Variants in CLSTN1 observed in about 807,000 individuals in gnomAD.
CLSTN1 encodes calsyntenin-1.
Under a neutral mutation model 108.3 loss-of-function variants are expected in CLSTN1, and 28 were observed. The observed-to-expected ratio is 0.26, with a 90% CI of 0.19 to 0.35. CLSTN1 has a LOEUF of 0.35. CLSTN1 is among the 10% of genes least tolerant of loss of function. The pLI, the probability that CLSTN1 is intolerant of heterozygous loss-of-function variation, is 1.00. For missense variants in CLSTN1, 1,157 were observed against 1,302.6 expected (o/e 0.89, Z 1.72); for synonymous variants, 524 against 534.9 (o/e 0.98, Z 0.28).
chr1:9,737,293 T>C (rs1029139668), intron 11 of CLSTN1, among the ~76,000 whole-genome samples: 8 of 152,002 alleles, frequency 5.3e-5, no homozygotes, highest in African/African-American at 1.7e-4. Context: ...CTGCCTGAGA[T>C]GTCATTTGTC....
At chr1:9,796,562 T>C (rs1315717174) in intron 1 of CLSTN1, among the ~76,000 whole-genome samples, 6 of 148,918 alleles carry the variant, frequency 4.0e-5, no homozygotes, top group Non-Finnish European at 7.4e-5. Flanking sequence ...CAGGCGCCTG[T>C]AGTCCCAGCA....
intron 16 of CLSTN1, among the ~76,000 whole-genome samples, chr1:9,732,426 G>A (rs747151190): frequency 6.6e-6 from 1 of 152,166 alleles, no homozygotes; most frequent in Non-Finnish European, 1.5e-5. Context: ...AAAAGAAGCC[G>A]ATGGTCCTTC....
Position 9,744,375 on chromosome 1 carries a change from T to C in CLSTN1, c.1234+20A>G. 6.3e-7 allele frequency: 1 copy of C among 1,592,432 alleles called. No individual in the cohort carries two copies. Among genetic ancestry groups the C allele is most frequent in the Non-Finnish European group, 8.6e-7 (1 of 1,168,658 alleles). ...ACTGGACACTGGGGCCTGGCATCGCTTGCAGAGCTATTACCCTACCTGTTT... is the reference window on the plus strand; with the variant it reads ...ACTGGACACTGGGGCCTGGCATCGCCTGCAGAGCTATTACCCTACCTGTTT... On this transcript the variant is annotated intron_variant, in intron 8 of 18. Transcript: ENST00000377298.
At chr1:9,807,222 T>C (rs1305897389) in intron 1 of CLSTN1, among the ~76,000 whole-genome samples, 10 of 152,064 alleles carry the variant, frequency 6.6e-5, no homozygotes, top group Non-Finnish European at 7.4e-5. Flanking sequence ...CGAGACCTCA[T>C]TGACCTAACA....
At position 9,796,235 on chromosome 1, in the gene CLSTN1, C is replaced by T. The variant is rs1346656289; in HGVS notation, c.92-22841G>A. 4.7e-5 allele frequency among the ~76,000 whole-genome samples: 7 copies of T among 148,092 alleles called. 2 individuals carry two copies. The South Asian group carries it at 1.6e-3, about 35-fold the overall frequency. The stretch of plus-strand genomic sequence containing the variant: ...GGAGATCATGCCACCGCACTCCAGC[C>T]TGGGCGACAGGGCAAGACTGTCTCC... On this transcript the variant is annotated intron_variant, in intron 1 of 18. Transcript: ENST00000377298.
rs1347999047 is a variant in CLSTN1 at position 9,733,438 on chromosome 1, A to C, written c.2390T>G (p.Leu797Arg). ...TTCGTTGCTGATGTAGCGGCCATTC[A>C]GCTCTGAGCAGATGAGCTTAAACTT... ...DRKFKLICSE[L>R]NGRYISNEFK... is the part of the protein sequence containing the mutation. The change falls in exon 16 of 19, where the codon CTG (leucine) becomes CGG (arginine). Residue 797 changes from leucine (L) to arginine (R), a missense_variant. Coordinates refer to ENST00000377298, the MANE Select transcript of CLSTN1 (RefSeq NM_001009566.3). The C allele has an allele frequency of 6.2e-6, 10 of 1,614,186 alleles. No homozygotes were observed. The highest frequency in any genetic ancestry group is 7.6e-6 in the Non-Finnish European group (9 of 1,180,044).
At chr1:9,738,636 T>G (rs919250384) in intron 10 of CLSTN1, among the ~76,000 whole-genome samples, 1 of 152,200 alleles carries the variant, frequency 6.6e-6, no homozygotes, top group African/African-American at 2.4e-5. Flanking sequence ...TAACTGAATT[T>G]TAAACAATCT....
Position 9,749,754 on chromosome 1 carries a change from T to C in CLSTN1, c.799+10A>G, listed in dbSNP as rs751753827. Reference sequence around the variant, plus strand: ...GCAGATGTGAGCGCAGGGGAGAGAATGAAGCTCACCTTGCCACCCAGGGGT... The same window carrying C: ...GCAGATGTGAGCGCAGGGGAGAGAACGAAGCTCACCTTGCCACCCAGGGGT... On this transcript the variant is annotated intron_variant, in intron 6 of 18. Coordinates refer to ENST00000377298, the MANE Select transcript of CLSTN1 (RefSeq NM_001009566.3). 2 of 1,613,830 alleles carry C rather than the reference T, an allele frequency of 1.2e-6. No homozygotes were observed. The highest frequency in any genetic ancestry group is 2.7e-5 in the African/African-American group (2 of 74,912).
chr1:9,749,233 C>A (rs1185352460), intron 7 of CLSTN1, among the ~76,000 whole-genome samples: 1 of 152,056 alleles, frequency 6.6e-6, no homozygotes, highest in Non-Finnish European at 1.5e-5. Flanking sequence ...CACATATACA[C>A]AACATGTTGA....
intron 1 of CLSTN1, among the ~76,000 whole-genome samples, chr1:9,778,245 C>CAA (rs1029810693): frequency 2.0e-5 from 3 of 151,562 alleles, no homozygotes; most frequent in Non-Finnish European, 4.4e-5. Context: ...CACACACACA[C>CAA]ACACACACAC....
chr1:9,733,595 C>A (rs370541154), intron 15 of CLSTN1, 49 bp from the exon 16 acceptor site: 1 of 1,607,978 alleles, frequency 6.2e-7, no homozygotes, highest in Non-Finnish European at 8.5e-7. Flanking sequence ...AGGGCAGGAG[C>A]ATGGGCAGGG....
chr1:9,823,791 G>A lies in CLSTN1; in HGVS notation c.-58C>T. 1.1e-6 allele frequency: 1 copy of A among 890,840 alleles called. No individual in the cohort carries two copies. The highest frequency in any genetic ancestry group is 1.4e-6 in the Non-Finnish European group (1 of 735,724). The allele number at this position is 890,840 out of a possible 1,614,324, so 55.2% of individuals were successfully genotyped here. A position where few individuals can be genotyped will look rare whatever the true frequency, so the allele number is the denominator to read the frequency against. ...CGCGGGACGCCGAGCGGAGCTCTCGGAGCTCTCGGGGCTCTAGGGGCCTGG... is the reference window on the plus strand; with the variant it reads ...CGCGGGACGCCGAGCGGAGCTCTCGAAGCTCTCGGGGCTCTAGGGGCCTGG... On this transcript the variant is annotated 5_prime_UTR_variant, in exon 1 of 19. Transcript: ENST00000377298. The surrounding 1 kb of genome is among the most constrained non-coding windows in gnomAD (Gnocchi z 6.3).
At chr1:9,810,054 G>C (rs759829729) in intron 1 of CLSTN1, among the ~76,000 whole-genome samples, 1 of 70,002 alleles carries the variant, frequency 1.4e-5, no homozygotes, top group Non-Finnish European at 3.1e-5. Flanking sequence ...GAGAGAGAAA[G>C]AGAGAGAAAG....
rs867880427 is a variant in CLSTN1 at position 9,743,724 on chromosome 1, G to T, written c.1356+160C>A. Among the ~76,000 whole-genome samples, 1,031 of 143,618 alleles carry T rather than the reference G, an allele frequency of 7.2e-3. 7 individuals carry two copies. Among genetic ancestry groups the T allele is most frequent in the Admixed American group, 0.011 (155 of 14,322 alleles). The allele number at this position is 143,618 out of a possible 152,430, so 94.2% of individuals were successfully genotyped here. A position where few individuals can be genotyped will look rare whatever the true frequency, so the allele number is the denominator to read the frequency against. On this transcript the variant is annotated intron_variant, in intron 9 of 18. Transcript: ENST00000377298. ...CACCATGCCCAGCTAATTTTCGTGGGTTTTTTTTTTTTTGTAGGGACAGGA... is the reference window on the plus strand; with the variant it reads ...CACCATGCCCAGCTAATTTTCGTGGTTTTTTTTTTTTTTGTAGGGACAGGA...
Position 9,791,096 on chromosome 1 carries a change from C to T in CLSTN1, c.92-17702G>A, listed in dbSNP as rs562421474. On this transcript the variant is annotated intron_variant, in intron 1 of 18. Coordinates refer to ENST00000377298, the MANE Select transcript of CLSTN1 (RefSeq NM_001009566.3). ...GGCAGAACTTGCAGTGAGCCGAGAT[C>T]GCACCACTGCACTCCAGCCTGGGCA... 1.2e-4 allele frequency among the ~76,000 whole-genome samples: 18 copies of T among 144,290 alleles called. 1 individual carries two copies. In the East Asian group the frequency reaches 3.4e-3, roughly 27 times the overall value. 94.7% of individuals were successfully genotyped at this position (144,290 alleles called of 152,430 possible).
At chr1:9,791,406 A>T (rs931489625) in intron 1 of CLSTN1, among the ~76,000 whole-genome samples, 1 of 150,964 alleles carries the variant, frequency 6.6e-6, no homozygotes, top group African/African-American at 2.4e-5. Context: ...TAGTTTTAAA[A>T]TTTTTTTGTA....
rs545256472 is a variant in CLSTN1, at chr1:9,792,136, C to G, written c.92-18742G>C. Among the ~76,000 whole-genome samples, 3 of 150,792 alleles carry G rather than the reference C, an allele frequency of 2.0e-5. 1 individual carries two copies. Among genetic ancestry groups the G allele is most frequent in the East Asian group, 4.0e-4 (2 of 4,984 alleles). On this transcript the variant is annotated intron_variant, in intron 1 of 18. Coordinates refer to ENST00000377298, the MANE Select transcript of CLSTN1 (RefSeq NM_001009566.3). ...GGTGGAGGTTGCAGTGAGCTGAGATCGGTCGTGCCACTGCACTCCAGCTTA... is the reference window on the plus strand; with the variant it reads ...GGTGGAGGTTGCAGTGAGCTGAGATGGGTCGTGCCACTGCACTCCAGCTTA...
At chr1:9,785,548 G>C (rs1653446538) in intron 1 of CLSTN1, among the ~76,000 whole-genome samples, 1 of 152,098 alleles carries the variant, frequency 6.6e-6, no homozygotes, top group Admixed American at 6.6e-5. Flanking sequence ...TGCATTGTGG[G>C]ACGTTCAGCA....
chr1:9,759,949 C>T (rs1040860964), intron 2 of CLSTN1, among the ~76,000 whole-genome samples: 3 of 152,158 alleles, frequency 2.0e-5, no homozygotes, highest in Non-Finnish European at 4.4e-5. Context: ...CAGTTTTTGA[C>T]TTGAGTTTAC....
Sources: allele counts gnomAD v4.1 joint callset (sites outside exome capture counted in the v4.1 genomes callset), GRCh38; gene constraint gnomAD v4.1.1; non-coding constraint Gnocchi (gnomAD v3.1); transcripts MANE v1.5; gene names NCBI Gene and HGNC (gene_info 2026-07-23, HGNC 2026-07-21).